KIAA1217: variants seen among roughly 807,000 people sequenced by gnomAD.
The protein encoded by KIAA1217 is sickle tail protein homolog.
A neutral mutation model predicts 163.9 loss-of-function variants in KIAA1217; 88 were observed. The ratio of observed to expected loss-of-function variants is 0.54; its 90% CI spans 0.45 to 0.64. KIAA1217 has a LOEUF of 0.64. Among genes scored for constraint, KIAA1217 ranks in the 30% least tolerant of loss-of-function variants. KIAA1217 has a pLI of 0.00. For missense variants in KIAA1217, 2,372 were observed against 2,475.0 expected (o/e 0.96, Z 0.88); for synonymous variants, 903 against 923.1 (o/e 0.98, Z 0.39).
At chr10:24,233,314 A>G (rs952515081) in intron 2 of KIAA1217, among the ~76,000 whole-genome samples, 1 of 152,148 alleles carries the variant, frequency 6.6e-6, no homozygotes, top group African/African-American at 2.4e-5. Flanking sequence ...GGGAACTAAT[A>G]AAGTGAGAAC....
At chr10:24,232,817 G>A (rs1396521212) in intron 2 of KIAA1217, among the ~76,000 whole-genome samples, 1 of 149,306 alleles carries the variant, frequency 6.7e-6, no homozygotes, top group Admixed American at 6.9e-5. Flanking sequence ...GGTTGGCATT[G>A]AACATTATAT....
chr10:23,739,618 T>C (rs1352588647), intron 1 of KIAA1217, among the ~76,000 whole-genome samples: 1 of 152,206 alleles, frequency 6.6e-6, no homozygotes, highest in African/African-American at 2.4e-5. Flanking sequence ...TTTGCTTTTT[T>C]GTACATGAGA....
At chr10:24,311,199 T>A (rs1829298967) in intron 2 of KIAA1217, among the ~76,000 whole-genome samples, 1 of 152,296 alleles carries the variant, frequency 6.6e-6, no homozygotes, top group Non-Finnish European at 1.5e-5. Context: ...TCTGCACACG[T>A]GATGCAACCT....
At chr10:24,318,907 C>T (rs2133238623) in intron 2 of KIAA1217, among the ~76,000 whole-genome samples, 1 of 152,340 alleles carries the variant, frequency 6.6e-6, no homozygotes, top group South Asian at 2.1e-4. Context: ...AAATATCCCT[C>T]AGTGCCTCTG....
intron 2 of KIAA1217, among the ~76,000 whole-genome samples, chr10:24,159,261 G>A (rs1185734029): frequency 6.6e-6 from 1 of 151,988 alleles, no homozygotes; most frequent in East Asian, 1.9e-4. Flanking sequence ...GTCACAGAGT[G>A]TTCTCTTGGT....
intron 3 of KIAA1217, among the ~76,000 whole-genome samples, chr10:24,399,800 C>T (rs1213957634): frequency 6.6e-6 from 1 of 152,150 alleles, no homozygotes; most frequent in South Asian, 2.1e-4. Context: ...ATCTTAGATG[C>T]TAACTGTACC....
At chr10:23,983,627 C>T (rs1243276635) in intron 1 of KIAA1217, among the ~76,000 whole-genome samples, 1 of 152,206 alleles carries the variant, frequency 6.6e-6, no homozygotes, top group East Asian at 1.9e-4. Context: ...CAGTCATCTC[C>T]AACCAGGCCC....
At chr10:24,094,890 G>A (rs1228942060) in intron 2 of KIAA1217, among the ~76,000 whole-genome samples, 3 of 152,222 alleles carry the variant, frequency 2.0e-5, no homozygotes, top group African/African-American at 7.2e-5. Context: ...GCTCCACCCA[G>A]TTCGAGCTTC....
intron 2 of KIAA1217, among the ~76,000 whole-genome samples, chr10:24,025,246 T>A (rs1325431616): frequency 6.6e-6 from 1 of 151,732 alleles, no homozygotes; most frequent in Non-Finnish European, 1.5e-5. Context: ...AATATGCAAC[T>A]ATTCTAGTGT....
intron 1 of KIAA1217, among the ~76,000 whole-genome samples, chr10:23,813,795 T>C (rs1005697074): frequency 1.3e-5 from 2 of 152,166 alleles, no homozygotes; most frequent in African/African-American, 4.8e-5. Flanking sequence ...CTAGACTGCA[T>C]GCAAATTGTT....
At chr10:23,802,244 C>G (rs1445781184) in intron 1 of KIAA1217, among the ~76,000 whole-genome samples, 1 of 152,178 alleles carries the variant, frequency 6.6e-6, no homozygotes, top group African/African-American at 2.4e-5. Flanking sequence ...AGTGGTCACT[C>G]TCACCTCACA....
At chr10:24,514,246 T>C (rs867775170) in intron 10 of KIAA1217, among the ~76,000 whole-genome samples, 3 of 152,198 alleles carry the variant, frequency 2.0e-5, no homozygotes, top group African/African-American at 4.8e-5. Flanking sequence ...GTTTCTCCAG[T>C]GTTGATAATT....
intron 1 of KIAA1217, among the ~76,000 whole-genome samples, chr10:23,775,160 C>A (rs1834955706): frequency 6.6e-6 from 1 of 152,048 alleles, no homozygotes; most frequent in South Asian, 2.1e-4. Context: ...TCACAGATGA[C>A]CAGGAAGTGG....
At chr10:24,068,612 C>T (rs897922656) in intron 2 of KIAA1217, among the ~76,000 whole-genome samples, 1 of 152,166 alleles carries the variant, frequency 6.6e-6, no homozygotes. Flanking sequence ...AGAAGAAGAT[C>T]CTAGCATGAC....
At chr10:23,873,246 C>T (rs866146483) in intron 1 of KIAA1217, among the ~76,000 whole-genome samples, 15 of 152,102 alleles carry the variant, frequency 9.9e-5, no homozygotes, top group Non-Finnish European at 1.0e-4. Flanking sequence ...GCTATTCATT[C>T]TCTTAATCCC....
chr10:24,252,540 A>T (rs1274836533), intron 2 of KIAA1217, among the ~76,000 whole-genome samples: 1 of 152,214 alleles, frequency 6.6e-6, no homozygotes, highest in Non-Finnish European at 1.5e-5. Context: ...TGATTGCGCC[A>T]CTGTGCCACA....
chr10:23,832,170 C>G (rs944269854), intron 1 of KIAA1217, among the ~76,000 whole-genome samples: 1 of 152,178 alleles, frequency 6.6e-6, no homozygotes, highest in Non-Finnish European at 1.5e-5. Context: ...ATACTTCTGA[C>G]TAACAAGCAA....
chr10:23,883,864 G>T (rs940584307), intron 1 of KIAA1217, among the ~76,000 whole-genome samples: 2 of 151,922 alleles, frequency 1.3e-5, no homozygotes, highest in South Asian at 2.1e-4. Flanking sequence ...CATGTAGTTG[G>T]AATCGCATTG....
At chr10:23,696,258 C>T (rs994144720) in intron 1 of KIAA1217, among the ~76,000 whole-genome samples, 4 of 152,210 alleles carry the variant, frequency 2.6e-5, no homozygotes, top group Non-Finnish European at 4.4e-5. Context: ...AGAGGGCAGG[C>T]GAGGACGGCG....
Sources: allele counts gnomAD v4.1 joint callset (sites outside exome capture counted in the v4.1 genomes callset), GRCh38; gene constraint gnomAD v4.1.1; transcripts MANE v1.5; gene names NCBI Gene and HGNC (gene_info 2026-07-23, HGNC 2026-07-21).